The following MGAM2 variants were observed in gnomAD, a reference collection of about 807,000 sequenced individuals.
MGAM2 encodes the protein maltase-glucoamylase 2 (putative), also known as probable maltase-glucoamylase 2.
In MGAM2, 98 loss-of-function variants were observed where a neutral mutation model predicts 96.1. The observed-to-expected ratio is 1.02, with a 90% CI of 0.87 to 1.21. The LOEUF (loss-of-function observed/expected upper bound fraction) is 1.21. Ranked by LOEUF, MGAM2 falls within the 50% of genes most tolerant of loss-of-function variation. MGAM2 has a pLI of 0.00. For missense variants in MGAM2, 2,055 were observed against 1,182.4 expected, an observed-to-expected ratio of 1.74 and a Z score of -10.82; for synonymous variants, 749 against 414.8, an observed-to-expected ratio of 1.81 and a Z score of -9.79.
intron 17 of MGAM2, among the ~76,000 whole-genome samples, chr7:142,157,538 C>A (rs1292837794): frequency 2.0e-5 from 3 of 152,024 alleles, no homozygotes; most frequent in Non-Finnish European, 4.4e-5. Flanking sequence ...ATTACAGGCA[C>A]GTGCCACCAC....
At chr7:142,203,629 A>T (rs1417301230) in intron 45 of MGAM2, among the ~76,000 whole-genome samples, 1 of 152,202 alleles carries the variant, frequency 6.6e-6, no homozygotes, top group Non-Finnish European at 1.5e-5. Flanking sequence ...CCAAAATAGC[A>T]TAGTACTGGT....
intron 9 of MGAM2, 38 bp downstream of exon 9, chr7:142,137,583 G>T: frequency 1.5e-6 from 1 of 677,064 alleles, no homozygotes. Context: ...ATTTACTGCT[G>T]TTATCTCATA....
At chr7:142,145,894 A>G (rs1379506781) in intron 14 of MGAM2, among the ~76,000 whole-genome samples, 1 of 152,212 alleles carries the variant, frequency 6.6e-6, no homozygotes, top group African/African-American at 2.4e-5. Context: ...ATTTCCAGAA[A>G]GAGAACACTG....
intron 3 of MGAM2, among the ~76,000 whole-genome samples, chr7:142,122,714 T>C (rs1225822402): frequency 6.6e-6 from 1 of 152,244 alleles, no homozygotes; most frequent in East Asian, 1.9e-4. Flanking sequence ...CTGAGTGATA[T>C]TCCATTGTAT....
intron 3 of MGAM2, among the ~76,000 whole-genome samples, chr7:142,126,606 GATTT>G (rs1442558277): frequency 6.6e-6 from 1 of 151,820 alleles, no homozygotes; most frequent in Admixed American, 6.6e-5. Flanking sequence ...ACTGTGTAAA[GATTT>G]ATTTAATTTA....
chr7:142,194,964 A>G (rs560296225), intron 37 of MGAM2, among the ~76,000 whole-genome samples: 1 of 152,086 alleles, frequency 6.6e-6, no homozygotes, highest in African/African-American at 2.4e-5. Context: ...AGTTGTTGTT[A>G]TTTTCTAAGG....
At position 142,220,429 on chromosome 7, in the gene MGAM2, C is replaced by T. The variant is rs1342801518; in HGVS notation, c.5918C>T (p.Thr1973Ile). The change falls in exon 48 of 48, where the codon ACT (threonine) becomes ATT (isoleucine). Residue 1973 changes from threonine to isoleucine, a missense_variant. Physicochemically the swap from Thr to Ile is moderately conservative, Grantham distance 89. Coordinates refer to ENST00000477922, the MANE Select transcript of MGAM2 (RefSeq NM_001293626.2). The stretch of plus-strand genomic sequence containing the variant: ...CCAACAAATACTACTACTGCTAGCA[C>T]TAATGCTACTATTCCTATCACAACC... Reference protein sequence around the residue: ...PFPTNTTTASTNATIPITTTP... With the variant: ...PFPTNTTTASINATIPITTTP... 6 of 702,496 alleles carry T rather than the reference C, an allele frequency of 8.5e-6. No homozygotes were observed. In the African/African-American group the frequency reaches 1.0e-4, roughly 12 times the overall value. 43.5% of individuals were successfully genotyped at this position (702,496 alleles called of 1,614,324 possible). A position where few individuals can be genotyped will look rare whatever the true frequency, so the allele number is the denominator to read the frequency against.
At chr7:142,207,430 T>A (rs938864267) in intron 45 of MGAM2, among the ~76,000 whole-genome samples, 12 of 150,780 alleles carry the variant, frequency 8.0e-5, no homozygotes, top group East Asian at 7.7e-4. Context: ...TTATTTATTT[T>A]TATTTATTTT....
rs145628527 is a variant in MGAM2, at chr7:142,152,450, G to T, written c.1635-1568G>T. 1.6e-4 allele frequency among the ~76,000 whole-genome samples: 25 copies of T among 152,276 alleles called. No homozygotes were observed. The East Asian group carries it at 4.1e-3, about 25-fold the overall frequency. On this transcript the variant is annotated intron_variant, in intron 15 of 47. Coordinates refer to ENST00000477922, the MANE Select transcript of MGAM2 (RefSeq NM_001293626.2). ...CTACCCCTATTTTTGACAGTAAATT[G>T]TCAGAATGAAGCCCTTTACTTTCTT...
Position 142,160,215 on chromosome 7 carries a change from T to C in MGAM2, c.2302T>C (p.Tyr768His). Residue 768 changes from tyrosine to histidine, a missense_variant, in exon 21 of 48, where the codon TAC (tyrosine) becomes CAC (histidine). Physicochemically the swap from Tyr to His is moderately conservative, Grantham distance 83. Transcript: ENST00000477922. The stretch of plus-strand genomic sequence containing the variant: ...GATAGGACTTCATCTGCGAGGGGGC[T>C]ACATATTTCCCACTCAGAAGCCAAA... ...DKIGLHLRGG[Y>H]IFPTQKPNTT... is the part of the protein sequence containing the mutation. 1.4e-6 allele frequency: 1 copy of C among 702,536 alleles called. No individual in the cohort carries two copies. The highest frequency in any genetic ancestry group is 2.6e-6 in the Non-Finnish European group (1 of 384,750). The allele number at this position is 702,536 out of a possible 1,614,324, so 43.5% of individuals were successfully genotyped here.
intron 14 of MGAM2, among the ~76,000 whole-genome samples, chr7:142,145,226 C>G (rs1230845842): frequency 6.6e-6 from 1 of 152,134 alleles, no homozygotes; most frequent in Non-Finnish European, 1.5e-5. Flanking sequence ...TGTTCATTTC[C>G]CCCAAATCCC....
intron 45 of MGAM2, among the ~76,000 whole-genome samples, chr7:142,206,925 AT>A (rs1297441051): frequency 1.3e-5 from 2 of 152,196 alleles, no homozygotes; most frequent in African/African-American, 4.8e-5. Flanking sequence ...ATTCTTTACA[AT>A]TTTTTTATTA....
chr7:142,183,900 C>T (rs1731404931), intron 33 of MGAM2, among the ~76,000 whole-genome samples: 1 of 143,188 alleles, frequency 7.0e-6, no homozygotes, highest in South Asian at 2.2e-4. Context: ...TCGAATTCTT[C>T]CTTAATTATA....
In MGAM2 at chr7:142,166,140, G is replaced by T. The variant is rs760970887; in HGVS notation, c.2695G>T (p.Glu899Ter). 2 of 702,178 alleles carry T rather than the reference G, an allele frequency of 2.8e-6. No homozygotes were observed. The highest frequency in any genetic ancestry group is 3.0e-5 in the South Asian group (2 of 67,372). 43.5% of individuals were successfully genotyped at this position (702,178 alleles called of 1,614,324 possible). The change falls in exon 25 of 48, where the codon GAA becomes TAA. Residue 899 changes from glutamate to a stop codon, truncating the protein, a stop_gained. Coordinates refer to ENST00000477922, the MANE Select transcript of MGAM2 (RefSeq NM_001293626.2). LOFTEE classifies it high-confidence loss of function. ...TCTCCAAGGACTGGTACTGGGACAAGAATTCTCTATTAGGTGGAATCTTCC... is the reference window on the plus strand; with the variant it reads ...TCTCCAAGGACTGGTACTGGGACAATAATTCTCTATTAGGTGGAATCTTCC... Reference protein sequence around the residue: ...TDLQGLVLGQEFSIRWNLPVS... With the variant: ...TDLQGLVLGQ
At chr7:142,183,443 C>A in intron 33 of MGAM2, 70 bp downstream of exon 33, 1 of 674,368 alleles carries the variant, frequency 1.5e-6, no homozygotes, top group Non-Finnish European at 2.7e-6. Context: ...GCTCTCAATA[C>A]ACATTGGAAA....
At chr7:142,183,236 C>G (rs1355310253) in intron 32 of MGAM2, 30 bp from the exon 33 acceptor site, 1 of 693,802 alleles carries the variant, frequency 1.4e-6, no homozygotes, top group South Asian at 1.5e-5. Flanking sequence ...GTTTTCCTCA[C>G]ATTTGCTGTT....
At chr7:142,195,034 C>G (rs890038295) in intron 37 of MGAM2, among the ~76,000 whole-genome samples, 13 of 152,154 alleles carry the variant, frequency 8.5e-5, no homozygotes, top group African/African-American at 2.9e-4. Flanking sequence ...ATATTTGCCT[C>G]TGTGTGCAAA....
At chr7:142,138,499 CTAA>C in intron 9 of MGAM2, 40 bp from the exon 10 acceptor site, 1 of 690,526 alleles carries the variant, frequency 1.4e-6, no homozygotes. Flanking sequence ...TGAAATGGGG[CTAA>C]TGTTATTCTC....
chr7:142,117,981 AG>A (rs955429886), intron 2 of MGAM2, among the ~76,000 whole-genome samples: 4 of 151,888 alleles, frequency 2.6e-5, no homozygotes, highest in Admixed American at 2.0e-4. Flanking sequence ...ATGGGTTGAA[AG>A]GGGGGCTTTA....
Sources: gnomAD v4.1 joint callset for allele counts (sites outside exome capture counted in the v4.1 genomes callset) on GRCh38, gnomAD v4.1.1 for gene constraint, MANE v1.5 for transcripts, NCBI Gene and HGNC (gene_info 2026-07-23, HGNC 2026-07-21) for gene names.